The following CBR4 variants were observed in gnomAD, a reference collection of about 807,000 sequenced individuals.
CBR4 encodes 3-oxoacyl-[acyl-carrier-protein] reductase.
CBR4 carries 22 observed loss-of-function variants against 21.0 expected under a neutral mutation model. The ratio of observed to expected loss-of-function variants is 1.05; its 90% CI spans 0.75 to 1.50. The LOEUF (loss-of-function observed/expected upper bound fraction) is 1.50, where lower values mean the gene tolerates loss of function less well. Ranked by LOEUF, CBR4 falls within the 40% of genes most tolerant of loss-of-function variation. The pLI, the probability that CBR4 is intolerant of heterozygous loss-of-function variation, is 0.00. For missense variants in CBR4, 302 were observed against 286.3 expected, an observed-to-expected ratio of 1.05 and a Z score of -0.40; for synonymous variants, 100 against 104.4, an observed-to-expected ratio of 0.96 and a Z score of 0.26.
At chr4:168,978,692 G>C (rs1335028926) in intron 2 of CBR4, among the ~76,000 whole-genome samples, 1 of 152,154 alleles carries the variant, frequency 6.6e-6, no homozygotes, top group Non-Finnish European at 1.5e-5. Context: ...GAGGGCCAAG[G>C]GTCTTGGAAC....
chr4:168,980,082 C>G (rs894279673), intron 2 of CBR4, among the ~76,000 whole-genome samples: 5 of 152,168 alleles, frequency 3.3e-5, no homozygotes, highest in African/African-American at 1.2e-4. Context: ...CCAAAAGAGA[C>G]ACATGAAAAG....
chr4:169,002,091 C>CT lies in CBR4; in HGVS notation c.514dup (p.Arg172LysfsTer37), dbSNP rs562837629. 2.5e-4 allele frequency: 391 copies of CT among 1,588,660 alleles called. 2 individuals carry two copies. The highest frequency in any genetic ancestry group is 1.8e-4 in the Middle Eastern group (1 of 5,526). On this transcript the variant is annotated frameshift_variant, in exon 4 of 5. Transcript: ENST00000306193. LOFTEE classifies it high-confidence loss of function. ...CTAACCTGGTGCAACTACATTCACT[C>CT]TAATTTTCTTTCTTGCTACCTCTTT...
intron 2 of CBR4, among the ~76,000 whole-genome samples, chr4:168,934,312 A>C (rs1763050717): frequency 6.7e-6 from 1 of 148,492 alleles, no homozygotes; most frequent in Non-Finnish European, 1.5e-5. Context: ...AAAGCAAGCC[A>C]AACCCAAAAT....
At chr4:168,946,031 G>T (rs180855499) in intron 2 of CBR4, among the ~76,000 whole-genome samples, 1 of 152,228 alleles carries the variant, frequency 6.6e-6, no homozygotes, top group East Asian at 1.9e-4. Context: ...GTCAACAGAA[G>T]GGCACTGCTT....
intron 3 of CBR4, among the ~76,000 whole-genome samples, chr4:169,004,373 ATT>A (rs1730721400): frequency 6.6e-6 from 1 of 152,242 alleles, no homozygotes; most frequent in South Asian, 2.1e-4. Context: ...AATTTGCCAC[ATT>A]GATTGACTCT....
At chr4:168,968,300 AT>A (rs1384514936) in intron 2 of CBR4, among the ~76,000 whole-genome samples, 10 of 152,216 alleles carry the variant, frequency 6.6e-5, no homozygotes, top group African/African-American at 2.4e-4. Context: ...TTTGTAGGGC[AT>A]TGCCAAAGTG....
At position 168,949,751 on chromosome 4, in the gene CBR4, CT is replaced by C. The variant is rs556755423; in HGVS notation, n.169+52319del. ...TGCTGTGAATCTGTCTGGTCCTGGACTTTTTTTTGTTAATTTTTAAATTACC... is the reference window on the plus strand; with the variant it reads ...TGCTGTGAATCTGTCTGGTCCTGGACTTTTTTTGTTAATTTTTAAATTACC... On this transcript the variant is annotated intron_variant and non_coding_transcript_variant, in intron 2 of 3. Coordinates refer to the CBR4 transcript ENST00000509108. 3.0e-4 allele frequency among the ~76,000 whole-genome samples: 46 copies of C among 151,858 alleles called. 1 individual carries two copies. Among genetic ancestry groups the C allele is most frequent in the Non-Finnish European group, 6.2e-4 (42 of 67,926 alleles).
At chr4:168,987,455 T>C (rs1764727870), downstream of CBR4, 2 of 166,070 alleles carry the variant, frequency 1.2e-5, no homozygotes, top group Non-Finnish European at 2.5e-5. Context: ...TCAGTATCTG[T>C]TGAGTTACTT....
At chr4:168,944,984 T>C (rs1258737745) in intron 2 of CBR4, among the ~76,000 whole-genome samples, 1 of 152,238 alleles carries the variant, frequency 6.6e-6, no homozygotes, top group Admixed American at 6.5e-5. Flanking sequence ...AAACCTTATC[T>C]AATTAAAGAG....
Position 168,925,003 on chromosome 4 carries a change from G to C in CBR4, n.170-30238C>G, listed in dbSNP as rs765135925. 1.9e-6 allele frequency: 3 copies of C among 1,614,024 alleles called. No homozygotes were observed. In the African/African-American group the frequency reaches 4.0e-5, roughly 22 times the overall value. On this transcript the variant is annotated intron_variant and non_coding_transcript_variant, in intron 2 of 3. Transcript: ENST00000509108. ...GCTCATTCAGGGAGCCACAAAAGAA[G>C]ATGCTGGGTGGTATACTGTGTCAGC...
chr4:168,934,336 GAAAT>G (rs1321730045), intron 2 of CBR4, among the ~76,000 whole-genome samples: 1 of 66,406 alleles, frequency 1.5e-5, no homozygotes, highest in Non-Finnish European at 3.4e-5. Flanking sequence ...CAGAAGGAAA[GAAAT>G]AATAAAGATT....
chr4:168,959,899 A>G (rs1763797780), intron 2 of CBR4, among the ~76,000 whole-genome samples: 1 of 152,092 alleles, frequency 6.6e-6, no homozygotes, highest in Non-Finnish European at 1.5e-5. Context: ...ACCTTCTGAA[A>G]TTTGTATTTG....
rs577817247 is a variant in CBR4, at chr4:168,959,815, G to A, written n.169+42256C>T. Among the ~76,000 whole-genome samples, 34 of 150,030 alleles carry A rather than the reference G, an allele frequency of 2.3e-4. No individual in the cohort carries two copies. The South Asian group carries it at 2.3e-3, about 10-fold the overall frequency. On this transcript the variant is annotated intron_variant and non_coding_transcript_variant, in intron 2 of 3. Coordinates refer to the CBR4 transcript ENST00000509108. ...CCTGACCTCGTAATCCACCTGCCTC[G>A]GCCTCCCAAAGTTCTGGGATTACAG...
At chr4:168,914,169 T>C (rs1246769582) in intron 2 of CBR4, 1 of 672,456 alleles carries the variant, frequency 1.5e-6, no homozygotes, top group East Asian at 2.7e-5. Context: ...GGCTCCTTGA[T>C]TATTATGCTC....
chr4:168,905,800 T>C (rs897927611), intron 2 of CBR4, among the ~76,000 whole-genome samples: 5 of 147,898 alleles, frequency 3.4e-5, no homozygotes, highest in Admixed American at 2.0e-4. Context: ...CTTTTTTTTT[T>C]TTTTTTTTTT....
intron 2 of CBR4, among the ~76,000 whole-genome samples, chr4:168,910,051 C>G (rs1490862187): frequency 3.9e-5 from 6 of 151,964 alleles, no homozygotes; most frequent in African/African-American, 1.2e-4. Flanking sequence ...AGGTTGGTAT[C>G]AGAATAGAGA....
intron 2 of CBR4, among the ~76,000 whole-genome samples, chr4:168,953,575 C>T (rs1369004050): frequency 6.6e-6 from 1 of 151,826 alleles, no homozygotes; most frequent in African/African-American, 2.4e-5. Context: ...ACAGCATGCA[C>T]CACCTGCAAA....
rs1762609881 is a variant in CBR4, at chr4:168,926,588, A to AAAAT, written n.170-31827_170-31824dup. 14 of 481,894 alleles carry AAAAT rather than the reference A, an allele frequency of 2.9e-5. No individual in the cohort carries two copies. In the East Asian group the frequency reaches 4.6e-4, roughly 16 times the overall value. 29.9% of individuals were successfully genotyped at this position (481,894 alleles called of 1,614,324 possible). A position where few individuals can be genotyped will look rare whatever the true frequency, so the allele number is the denominator to read the frequency against. ...TAATACAAATATACACATTGCACAG[A>AAAAT]AAATACACATTTACTGTCCAATTTA... On this transcript the variant is annotated intron_variant and non_coding_transcript_variant, in intron 2 of 3. Coordinates refer to the CBR4 transcript ENST00000509108.
chr4:168,903,849 C>T, intron 2 of CBR4: 1 of 1,613,672 alleles, frequency 6.2e-7, no homozygotes, highest in Non-Finnish European at 8.5e-7. Flanking sequence ...CCCTCCATAC[C>T]ACAGCCTCCA....
Sources: allele counts gnomAD v4.1 joint callset (sites outside exome capture counted in the v4.1 genomes callset), GRCh38; gene constraint gnomAD v4.1.1; transcripts MANE v1.5; gene names NCBI Gene and HGNC (gene_info 2026-07-23, HGNC 2026-07-21).